Variants in UBE2Q2 observed in about 807,000 individuals in gnomAD.
UBE2Q2 encodes ubiquitin-conjugating enzyme E2 Q2.
UBE2Q2 carries 54 observed loss-of-function variants against 59.9 expected under a neutral mutation model. That is an observed-to-expected ratio of 0.90 (90% CI 0.72 to 1.13). The LOEUF (loss-of-function observed/expected upper bound fraction) is 1.13. UBE2Q2 is among the 50% of genes most tolerant of loss of function. The pLI is 0.00. For synonymous variants in UBE2Q2, 165 were observed against 155.2 expected (o/e 1.06, Z -0.47); for missense variants, 433 against 441.9 (o/e 0.98, Z 0.18).
Position 75,876,259 on chromosome 15 carries a change from A to G in UBE2Q2, c.661A>G (p.Ser221Gly). The G allele has an allele frequency of 6.2e-7, 1 of 1,613,696 alleles. No homozygotes were observed. Among genetic ancestry groups the G allele is most frequent in the Non-Finnish European group, 8.5e-7 (1 of 1,179,708 alleles). ...KELRDIYRSQSYKTGIYSVEL... is the reference protein window; with the variant it reads ...KELRDIYRSQGYKTGIYSVEL... Reference sequence around the variant, plus strand: ...GCTCAGGGACATATACAGATCACAGAGTTATAAAACAGGTAAGGATCTCTG... The same window carrying G: ...GCTCAGGGACATATACAGATCACAGGGTTATAAAACAGGTAAGGATCTCTG... The change falls in exon 6 of 13, where the codon AGT becomes GGT. Residue 221 changes from serine (S) to glycine (G), a missense_variant. By Grantham distance (56) the Ser-to-Gly change is moderately conservative (BLOSUM62 0). Coordinates refer to ENST00000267938, the MANE Select transcript of UBE2Q2 (RefSeq NM_173469.4).
chr15:75,883,342 TA>T, intron 8 of UBE2Q2, 23 bp from the exon 9 acceptor site: 1 of 1,603,294 alleles, frequency 6.2e-7, no homozygotes, highest in South Asian at 1.1e-5. Context: ...TTAAATTAAT[TA>T]AACTTGCTTA....
Position 75,883,502 on chromosome 15 carries a change from A to G in UBE2Q2, c.884+78A>G, listed in dbSNP as rs543774862. ...TTTTTTATAGGGACGAGATCTCACTATGTTGCCCTGGCTGGTCTTGAATTC... is the reference window on the plus strand; with the variant it reads ...TTTTTTATAGGGACGAGATCTCACTGTGTTGCCCTGGCTGGTCTTGAATTC... On this transcript the variant is annotated intron_variant, in intron 9 of 12. Transcript: ENST00000267938. The G allele has an allele frequency of 4.5e-5, 47 of 1,036,884 alleles. 4 individuals are homozygous for G. In the South Asian group the frequency reaches 6.3e-4, roughly 14 times the overall value. 64.2% of individuals were successfully genotyped at this position (1,036,884 alleles called of 1,614,324 possible). A position where few individuals can be genotyped will look rare whatever the true frequency, so the allele number is the denominator to read the frequency against.
In UBE2Q2 at chr15:75,843,807, C is replaced by G; in HGVS notation, c.141C>G (p.His47Gln). ...TGGTGCCGCAGCAGGGCAGCCCGCA[C>G]TCGCTGCCGCCGCCACTCACGCTCC... ...QFLVPQQGSP[H>Q]SLPPPLTLHC... is the part of the protein sequence containing the mutation. The change falls in exon 1 of 13, where the codon CAC (histidine) becomes CAG (glutamine). Residue 47 changes from histidine (H) to glutamine (Q), a missense_variant. Physicochemically the swap from His to Gln is conservative, Grantham distance 24 (BLOSUM62 0). Transcript: ENST00000267938. 1 of 1,601,564 alleles carries G rather than the reference C, an allele frequency of 6.2e-7. No homozygotes were observed. The highest frequency in any genetic ancestry group is 8.5e-7 in the Non-Finnish European group (1 of 1,175,614).
At position 75,890,497 on chromosome 15, in the gene UBE2Q2, C is replaced by G. The variant is rs775764452; in HGVS notation, c.933+14C>G. On this transcript the variant is annotated intron_variant, in intron 10 of 12. Transcript: ENST00000267938. ...CTCACAAAACAGGTGACTTTTCTTA[C>G]GATACTCCATTTTCACCCACAATTT... The G allele has an allele frequency of 7.5e-6, 12 of 1,606,354 alleles. No homozygotes were observed. The South Asian group carries it at 1.1e-4, about 15-fold the overall frequency.
rs560300373 is a variant in UBE2Q2 at position 75,896,978 on chromosome 15, G to A, written c.1030-17G>A. 103 of 1,504,788 alleles carry A rather than the reference G, an allele frequency of 6.8e-5. No homozygotes were observed. The highest frequency in any genetic ancestry group is 8.7e-5 in the Non-Finnish European group (96 of 1,099,212). The allele number at this position is 1,504,788 out of a possible 1,614,324, so 93.2% of individuals were successfully genotyped here. The stretch of plus-strand genomic sequence containing the variant: ...CCTAATTACACTTTTGATTTAAAAT[G>A]TGTAATTCTCTTTCAGAATCAATAT... On this transcript the variant is annotated splice_polypyrimidine_tract_variant and intron_variant, in intron 11 of 12. Transcript: ENST00000267938.
chr15:75,860,689 G>A (rs1389182128), intron 3 of UBE2Q2, among the ~76,000 whole-genome samples: 1 of 151,934 alleles, frequency 6.6e-6, no homozygotes, highest in Non-Finnish European at 1.5e-5. Context: ...AAATTCTGTT[G>A]TAGCCCTTTC....
Position 75,876,276 on chromosome 15 carries a change from GGATCTCT to G in UBE2Q2, c.673+7_673+13del. 1.2e-6 allele frequency: 2 copies of G among 1,606,206 alleles called. No individual in the cohort carries two copies. The highest frequency in any genetic ancestry group is 4.5e-5 in the East Asian group (2 of 44,756). Reference sequence around the variant, plus strand: ...GATCACAGAGTTATAAAACAGGTAAGGATCTCTGGATCCCTGCTCTCTTTATGATTCT... The same window carrying G: ...GATCACAGAGTTATAAAACAGGTAAGGGATCCCTGCTCTCTTTATGATTCT... On this transcript the variant is annotated splice_donor_region_variant and intron_variant, in intron 6 of 12. Coordinates refer to ENST00000267938, the MANE Select transcript of UBE2Q2 (RefSeq NM_173469.4).
At chr15:75,864,455 G>T (rs1460366677) in intron 3 of UBE2Q2, among the ~76,000 whole-genome samples, 1 of 152,124 alleles carries the variant, frequency 6.6e-6, no homozygotes. Flanking sequence ...ACAAAGAATT[G>T]TCTGGCCCAA....
chr15:75,879,018 A>G, intron 7 of UBE2Q2, 80 bp from the exon 8 acceptor site: 1 of 1,007,136 alleles, frequency 9.9e-7, no homozygotes, highest in Non-Finnish European at 1.5e-6. Flanking sequence ...TAGCTGTCAT[A>G]CTAGTTCATT....
At position 75,890,927 on chromosome 15, in the gene UBE2Q2, C is replaced by G; in HGVS notation, c.942C>G (p.Ser314Arg). 6.2e-7 allele frequency: 1 copy of G among 1,612,868 alleles called. No homozygotes were observed. The highest frequency in any genetic ancestry group is 8.5e-7 in the Non-Finnish European group (1 of 1,179,674). ...ACTTTGTTCTTCTGTAGGGCTGGAGCAGTGCCTACTCAATAGAATCGGTCA... is the reference window on the plus strand; with the variant it reads ...ACTTTGTTCTTCTGTAGGGCTGGAGGAGTGCCTACTCAATAGAATCGGTCA... ...CMELLTKQGW[S>R]SAYSIESVIM... Residue 314 changes from serine (S) to arginine (R), a missense_variant, in exon 11 of 13, where the codon AGC (serine) becomes AGG (arginine). By Grantham distance (110) the Ser-to-Arg change is moderately radical. Coordinates refer to ENST00000267938, the MANE Select transcript of UBE2Q2 (RefSeq NM_173469.4).
chr15:75,859,232 T>A (rs1897086676), intron 2 of UBE2Q2, among the ~76,000 whole-genome samples: 1 of 152,162 alleles, frequency 6.6e-6, no homozygotes, highest in South Asian at 2.1e-4. Context: ...GAATTATTGT[T>A]ATTTTTTATA....
At chr15:75,899,402 C>CTT (rs768831458) in intron 12 of UBE2Q2, 25 bp from the exon 13 acceptor site, 96 of 1,224,810 alleles carry the variant, frequency 7.8e-5, no homozygotes, top group Middle Eastern at 4.0e-4. Context: ...ATTATTTTAA[C>CTT]TTTTTTTTTT....
intron 11 of UBE2Q2, among the ~76,000 whole-genome samples, chr15:75,893,890 CTATT>C (rs1485624288): frequency 6.6e-6 from 1 of 152,152 alleles, no homozygotes; most frequent in Non-Finnish European, 1.5e-5. Flanking sequence ...AAAATTCTAT[CTATT>C]CCTTTCTCCC....
At chr15:75,868,479 TATC>T (rs1897621336) in intron 3 of UBE2Q2, among the ~76,000 whole-genome samples, 1 of 152,224 alleles carries the variant, frequency 6.6e-6, no homozygotes, top group Non-Finnish European at 1.5e-5. Flanking sequence ...AAATGTCTAT[TATC>T]AATAACACAT....
chr15:75,879,198 T>C lies in UBE2Q2; in HGVS notation c.825+10T>C. ...TAACTTCTCTTTTAAGGTAAGAAAA[T>C]AGTTACAGGACCCCATATACTTCCA... is the stretch of plus-strand genomic sequence containing the variant. On this transcript the variant is annotated intron_variant, in intron 8 of 12. Coordinates refer to ENST00000267938, the MANE Select transcript of UBE2Q2 (RefSeq NM_173469.4). 2.0e-6 allele frequency: 3 copies of C among 1,520,116 alleles called. No homozygotes were observed. Among genetic ancestry groups the C allele is most frequent in the Non-Finnish European group, 2.7e-6 (3 of 1,111,458 alleles). The allele number at this position is 1,520,116 out of a possible 1,614,324, so 94.2% of individuals were successfully genotyped here.
Position 75,883,407 on chromosome 15 carries a change from A to G in UBE2Q2, c.867A>G (p.Leu289=), listed in dbSNP as rs771488224. 17 of 1,612,728 alleles carry G rather than the reference A, an allele frequency of 1.1e-5. No homozygotes were observed. The highest frequency in any genetic ancestry group is 1.4e-5 in the Non-Finnish European group (17 of 1,179,480). Residue 289 remains leucine, a synonymous_variant, in exon 9 of 13, where the codon TTA becomes TTG. Transcript: ENST00000267938. ...PFDPPFVRVV[L]PVLSGGYVLG... ...ATCCTCCATTTGTTCGAGTGGTGTT[A>G]CCTGTTCTCTCAGGAGGGTAAGTTT...
intron 1 of UBE2Q2, among the ~76,000 whole-genome samples, chr15:75,850,389 G>A (rs555864024): frequency 2.0e-5 from 3 of 152,116 alleles, no homozygotes; most frequent in African/African-American, 7.2e-5. Context: ...CAACAATATT[G>A]TAGATCCGTG....
At chr15:75,865,456 G>A (rs1897411827) in intron 3 of UBE2Q2, among the ~76,000 whole-genome samples, 1 of 152,304 alleles carries the variant, frequency 6.6e-6, no homozygotes, top group South Asian at 2.1e-4. Flanking sequence ...TCCAGTGTTA[G>A]GAACAGCGAA....
At chr15:75,878,790 T>G (rs1898229174) in intron 7 of UBE2Q2, among the ~76,000 whole-genome samples, 1 of 152,038 alleles carries the variant, frequency 6.6e-6, no homozygotes, top group Admixed American at 6.6e-5. Flanking sequence ...TTCCTAAACT[T>G]TTTTTGAGTT....
Sources: allele counts gnomAD v4.1 joint callset (sites outside exome capture counted in the v4.1 genomes callset), GRCh38; gene constraint gnomAD v4.1.1; transcripts MANE v1.5; gene names NCBI Gene and HGNC (gene_info 2026-07-23, HGNC 2026-07-21).